The following MAN1C1 variants were observed in gnomAD, a reference collection of about 807,000 sequenced individuals.
The protein encoded by MAN1C1 is mannosyl-oligosaccharide 1,2-alpha-mannosidase IC.
MAN1C1 carries 49 observed loss-of-function variants against 71.5 expected under a neutral mutation model. The ratio of observed to expected loss-of-function variants is 0.69; its 90% CI spans 0.54 to 0.87. The LOEUF (loss-of-function observed/expected upper bound fraction) is 0.87. Among genes scored for constraint, MAN1C1 ranks in the 40% least tolerant of loss-of-function variants. The pLI is 0.00. For synonymous variants in MAN1C1, 352 were observed against 343.7 expected (o/e 1.02, Z -0.27); for missense variants, 743 against 835.0 (o/e 0.89, Z 1.36).
At chr1:25,696,660 A>T (rs2046373782) in intron 2 of MAN1C1, among the ~76,000 whole-genome samples, 1 of 151,694 alleles carries the variant, frequency 6.6e-6, no homozygotes, top group Non-Finnish European at 1.5e-5. Flanking sequence ...TTCTTTTTTT[A>T]AATATAGACA....
intron 2 of MAN1C1, among the ~76,000 whole-genome samples, chr1:25,736,653 A>G (rs976892158): frequency 6.6e-6 from 1 of 152,116 alleles, no homozygotes; most frequent in African/African-American, 2.4e-5. Flanking sequence ...CAGCCTCCCA[A>G]GTAGCTGGGG....
At chr1:25,695,799 CGTGTCCCCGCTCTGGCGCCAGCAGCCGA>C (rs1418191750) in intron 2 of MAN1C1, among the ~76,000 whole-genome samples, 1 of 152,208 alleles carries the variant, frequency 6.6e-6, no homozygotes, top group Non-Finnish European at 1.5e-5. Flanking sequence ...GCCTTGGGTT[CGTGTCCCCGCTCTGGCGCCAGCAGCCGA>C]GTGAGCCGGC....
chr1:25,747,398 T>C (rs1172963593), intron 3 of MAN1C1, among the ~76,000 whole-genome samples: 2 of 152,196 alleles, frequency 1.3e-5, no homozygotes, highest in Non-Finnish European at 2.9e-5. Flanking sequence ...CAGCCCACCA[T>C]GTTGATCTCT....
At chr1:25,763,608 G>A in intron 6 of MAN1C1, 1 of 442,022 alleles carries the variant, frequency 2.3e-6, no homozygotes, top group Non-Finnish European at 4.1e-6. Context: ...AGTGGTTCTG[G>A]GGTTGAGACT....
In MAN1C1 at chr1:25,764,251, G is replaced by A. The variant is rs1391491887; in HGVS notation, c.1141+284G>A. Among the ~76,000 whole-genome samples, 1 of 152,092 alleles carries A rather than the reference G, an allele frequency of 6.6e-6. No individual in the cohort carries two copies. The highest frequency in any genetic ancestry group is 1.5e-5 in the Non-Finnish European group (1 of 68,024). On this transcript the variant is annotated intron_variant, in intron 7 of 11. Coordinates refer to ENST00000374332, the MANE Select transcript of MAN1C1 (RefSeq NM_020379.4). The surrounding 1 kb of genome is among the most constrained non-coding windows in gnomAD (Gnocchi z 4.4). ...CTTCTCTGGCCCCATCAATGGCGCAGCCTTCCATCTCTTATGCTGCTGCGG... is the reference window on the plus strand; with the variant it reads ...CTTCTCTGGCCCCATCAATGGCGCAACCTTCCATCTCTTATGCTGCTGCGG...
Position 25,753,606 on chromosome 1 carries a change from G to T in MAN1C1, c.929+28G>T. On this transcript the variant is annotated intron_variant, in intron 5 of 11. Transcript: ENST00000374332. This position sits in a 1 kb window ranked among gnomAD's most constrained non-coding sequence, Gnocchi z 4.9. ...AGGGCGCCATCGCGTTCCCCACTGGGGCTTTACTGCGACCATGCCCACCAT... is the reference window on the plus strand; with the variant it reads ...AGGGCGCCATCGCGTTCCCCACTGGTGCTTTACTGCGACCATGCCCACCAT... The T allele has an allele frequency of 1.9e-6, 3 of 1,594,518 alleles. No homozygotes were observed. Among genetic ancestry groups the T allele is most frequent in the Non-Finnish European group, 2.6e-6 (3 of 1,164,198 alleles).
rs2045131568 is a variant in MAN1C1 at position 25,617,944 on chromosome 1, C to G, written c.147C>G (p.Leu49=). The change falls in exon 1 of 12, where the codon CTC becomes CTG. Residue 49 remains leucine, a synonymous_variant. Coordinates refer to ENST00000374332, the MANE Select transcript of MAN1C1 (RefSeq NM_020379.4). This position sits in a 1 kb window ranked among gnomAD's most constrained non-coding sequence, Gnocchi z 5.1. ...ALFLLPHSSR[L]KRLFLAPRTQ... is the part of the protein sequence containing the mutation. ...TCCTGCTGCCCCACTCCTCTCGCCTCAAGCGCCTCTTCCTGGCCCCCCGGA... is the reference window on the plus strand; with the variant it reads ...TCCTGCTGCCCCACTCCTCTCGCCTGAAGCGCCTCTTCCTGGCCCCCCGGA... 2 of 1,608,222 alleles carry G rather than the reference C, an allele frequency of 1.2e-6. No homozygotes were observed.
At chr1:25,731,643 C>G (rs941718869) in intron 2 of MAN1C1, among the ~76,000 whole-genome samples, 1 of 152,178 alleles carries the variant, frequency 6.6e-6, no homozygotes, top group Non-Finnish European at 1.5e-5. Flanking sequence ...TCCTTCCTCC[C>G]TCTCTAACAC....
At chr1:25,728,929 TG>T (rs2046870843) in intron 2 of MAN1C1, among the ~76,000 whole-genome samples, 1 of 152,248 alleles carries the variant, frequency 6.6e-6, no homozygotes, top group African/African-American at 2.4e-5. Flanking sequence ...GTGCCCAGTG[TG>T]GTCTGAGACC....
intron 1 of MAN1C1, chr1:25,658,650 T>G (rs2045803283): frequency 6.6e-6 from 1 of 152,180 alleles, no homozygotes; most frequent in Admixed American, 6.6e-5. Flanking sequence ...GACAAGGGTT[T>G]CACCATGTTG....
intron 2 of MAN1C1, among the ~76,000 whole-genome samples, chr1:25,703,257 T>TG (rs2046470943): frequency 6.6e-6 from 1 of 152,038 alleles, no homozygotes; most frequent in Non-Finnish European, 1.5e-5. Flanking sequence ...GTTGCCTGGG[T>TG]GGGGGTCCCA....
chr1:25,709,372 A>G (rs2046571877), intron 2 of MAN1C1, among the ~76,000 whole-genome samples: 1 of 152,218 alleles, frequency 6.6e-6, no homozygotes, highest in Non-Finnish European at 1.5e-5. Flanking sequence ...CAATGCTGGC[A>G]TGTAGTAGGT....
intron 2 of MAN1C1, among the ~76,000 whole-genome samples, chr1:25,741,297 GA>G: frequency 6.6e-6 from 1 of 152,296 alleles, no homozygotes; most frequent in South Asian, 2.1e-4. Flanking sequence ...TTTAAGATTT[GA>G]AATCACTAAG....
At chr1:25,657,385 G>C (rs2045782914) in intron 1 of MAN1C1, among the ~76,000 whole-genome samples, 1 of 152,244 alleles carries the variant, frequency 6.6e-6, no homozygotes, top group Non-Finnish European at 1.5e-5. Flanking sequence ...CAGCTGGGTG[G>C]TGGTGCTTGA....
At chr1:25,737,765 A>G (rs921081553) in intron 2 of MAN1C1, among the ~76,000 whole-genome samples, 6 of 152,116 alleles carry the variant, frequency 3.9e-5, no homozygotes, top group Non-Finnish European at 8.8e-5. Context: ...GTCTTGGGAA[A>G]AGGCTGAATG....
chr1:25,735,512 GTGTATATATA>G lies in MAN1C1; in HGVS notation c.638-11152_638-11143del. Among the ~76,000 whole-genome samples, 2 of 152,124 alleles carry G rather than the reference GTGTATATATA, an allele frequency of 1.3e-5. No individual in the cohort carries two copies. The highest frequency in any genetic ancestry group is 4.8e-5 in the African/African-American group (2 of 41,420). Reference sequence around the variant, plus strand: ...TGTGTATATGTGTGTATGTATGTGTGTGTATATATATGTGTATGTATATGTGTATGTATAT... The same window carrying G: ...TGTGTATATGTGTGTATGTATGTGTGTGTGTATGTATATGTGTATGTATAT... On this transcript the variant is annotated intron_variant, in intron 2 of 11. Transcript: ENST00000374332. This position sits in a 1 kb window ranked among gnomAD's most constrained non-coding sequence, Gnocchi z 4.6.
chr1:25,733,823 G>A lies in MAN1C1; in HGVS notation c.638-12845G>A, dbSNP rs545494308. 8.0e-5 allele frequency among the ~76,000 whole-genome samples: 12 copies of A among 150,684 alleles called. No homozygotes were observed. In the East Asian group the frequency reaches 1.6e-3, roughly 19 times the overall value. ...TTTTATTTTTATTTTTTTTTGAGAC[G>A]GAGTCTTTCTCTGTCGCCCAGGCTG... On this transcript the variant is annotated intron_variant, in intron 2 of 11. Transcript: ENST00000374332.
chr1:25,719,837 A>G (rs1320056941), intron 2 of MAN1C1, among the ~76,000 whole-genome samples: 2 of 152,222 alleles, frequency 1.3e-5, no homozygotes, highest in Non-Finnish European at 2.9e-5. Flanking sequence ...AGGCTGGAAT[A>G]GAGTGGCGCA....
At chr1:25,672,789 G>A (rs2046009890) in intron 1 of MAN1C1, among the ~76,000 whole-genome samples, 2 of 152,184 alleles carry the variant, frequency 1.3e-5, no homozygotes, top group South Asian at 4.1e-4. Context: ...AGGCAAGGGG[G>A]GCTGTGTGTG....
Sources: gnomAD v4.1 joint callset for allele counts (sites outside exome capture counted in the v4.1 genomes callset) on GRCh38, gnomAD v4.1.1 for gene constraint, Gnocchi (gnomAD v3.1) non-coding constraint, MANE v1.5 for transcripts, NCBI Gene and HGNC (gene_info 2026-07-23, HGNC 2026-07-21) for gene names.